Variants in RIPK4 observed in about 807,000 individuals in gnomAD.
RIPK4 encodes receptor interacting serine/threonine kinase 4.
Under a neutral mutation model 42.9 loss-of-function variants are expected in RIPK4, and 17 were observed. The ratio of observed to expected loss-of-function variants is 0.40; its 90% CI spans 0.27 to 0.59. RIPK4 has a LOEUF of 0.59. Ranked by LOEUF, RIPK4 falls within the 20% of genes least tolerant of loss-of-function variation. The pLI is 0.47. For missense variants in RIPK4, 897 were observed against 1,104.4 expected (o/e 0.81, Z 2.66); for synonymous variants, 498 against 499.1 (o/e 1.00, Z 0.03).
At chr21:41,757,748 C>A (rs1299139194) in intron 1 of RIPK4, among the ~76,000 whole-genome samples, 1 of 151,382 alleles carries the variant, frequency 6.6e-6, no homozygotes, top group African/African-American at 2.4e-5. Context: ...TGCCTGTAAT[C>A]CCAGCACTTT....
At chr21:41,748,555 C>T (rs1020769318) in intron 4 of RIPK4, among the ~76,000 whole-genome samples, 8 of 152,256 alleles carry the variant, frequency 5.3e-5, no homozygotes, top group African/African-American at 1.7e-4. Flanking sequence ...CTCCATGGCA[C>T]TGAGCAGCTC....
At chr21:41,749,693 T>G (rs1196929681) in intron 3 of RIPK4, among the ~76,000 whole-genome samples, 2 of 152,176 alleles carry the variant, frequency 1.3e-5, no homozygotes, top group Non-Finnish European at 2.9e-5. Flanking sequence ...TGCTGAGATT[T>G]CAGCGTTCCT....
At chr21:41,763,028 T>G (rs1405579862) in intron 1 of RIPK4, among the ~76,000 whole-genome samples, 1 of 152,096 alleles carries the variant, frequency 6.6e-6, no homozygotes, top group Non-Finnish European at 1.5e-5. Flanking sequence ...TCAGAGGGGG[T>G]GGCATCCTAT....
intron 1 of RIPK4, among the ~76,000 whole-genome samples, chr21:41,764,392 C>T (rs537741042): frequency 6.6e-6 from 1 of 152,258 alleles, no homozygotes; most frequent in East Asian, 1.9e-4. Context: ...AACAAGTGGA[C>T]TAGACCATCA....
chr21:41,748,417 T>C (rs1292410794), intron 4 of RIPK4, among the ~76,000 whole-genome samples: 1 of 152,204 alleles, frequency 6.6e-6, no homozygotes, highest in Non-Finnish European at 1.5e-5. Flanking sequence ...TAAAAAGTCC[T>C]GGATTTTTAT....
At chr21:41,743,518 G>A (rs2061160927) in intron 7 of RIPK4, among the ~76,000 whole-genome samples, 1 of 152,180 alleles carries the variant, frequency 6.6e-6, no homozygotes, top group Admixed American at 6.5e-5. Context: ...AGAGGGTGCG[G>A]GACTGCCACG....
chr21:41,746,001 G>A (rs2061169563), intron 5 of RIPK4, 139 bp from the exon 6 acceptor site: 1 of 789,898 alleles, frequency 1.3e-6, no homozygotes, highest in Admixed American at 1.8e-5. Context: ...GGCAAGCCCA[G>A]GGGCCCTACA....
At position 41,751,353 on chromosome 21, in the gene RIPK4, C is replaced by T. The variant is rs2061187908; in HGVS notation, c.475-108G>A. On this transcript the variant is annotated intron_variant, in intron 2 of 7. Coordinates refer to ENST00000332512, the MANE Select transcript of RIPK4 (RefSeq NM_020639.3). This position sits in a 1 kb window ranked among gnomAD's most constrained non-coding sequence, Gnocchi z 4.5. The stretch of plus-strand genomic sequence containing the variant: ...ATCTCAGAGGGTGGGTGAGAGCTTT[C>T]CAGGAGCCCCTAAGAGCCGTGTCTG... 3 of 1,430,202 alleles carry T rather than the reference C, an allele frequency of 2.1e-6. No homozygotes were observed. The highest frequency in any genetic ancestry group is 2.7e-5 in the South Asian group (2 of 73,926). 88.6% of individuals were successfully genotyped at this position (1,430,202 alleles called of 1,614,324 possible).
At chr21:41,766,315 G>A (rs1300410198) in intron 1 of RIPK4, among the ~76,000 whole-genome samples, 1 of 152,230 alleles carries the variant, frequency 6.6e-6, no homozygotes, top group East Asian at 1.9e-4. Flanking sequence ...AATAATTACA[G>A]TCTTACACCA....
chr21:41,740,757 C>T lies in RIPK4; in HGVS notation c.*81G>A, dbSNP rs1267459262. ...TTAGGTAAGCCACAACAGGGCCCCA[C>T]GCAGGATCGTTCCATCCCCACGAGG... On this transcript the variant is annotated 3_prime_UTR_variant, in exon 8 of 8. Coordinates refer to ENST00000332512, the MANE Select transcript of RIPK4 (RefSeq NM_020639.3). 2.8e-5 allele frequency: 40 copies of T among 1,410,750 alleles called. No homozygotes were observed. The highest frequency in any genetic ancestry group is 3.4e-5 in the Non-Finnish European group (36 of 1,055,672). 87.4% of individuals were successfully genotyped at this position (1,410,750 alleles called of 1,614,324 possible). A position where few individuals can be genotyped will look rare whatever the true frequency, so the allele number is the denominator to read the frequency against.
At chr21:41,743,837 C>G (rs201128018) in intron 7 of RIPK4, 45 bp downstream of exon 7, 1 of 1,535,978 alleles carries the variant, frequency 6.5e-7, no homozygotes, top group Admixed American at 2.0e-5. Flanking sequence ...TCCACTGTCC[C>G]GCCAAGCCCA....
intron 1 of RIPK4, 79 bp from the exon 2 acceptor site, chr21:41,756,895 G>A (rs887616258): frequency 4.1e-5 from 60 of 1,477,406 alleles, no homozygotes; most frequent in East Asian, 3.5e-4. Context: ...GCCAGAAGAC[G>A]ACCAGCTCCA....
chr21:41,740,809 G>A lies in RIPK4; in HGVS notation c.*29C>T, dbSNP rs766239719. Reference sequence around the variant, plus strand: ...ACACAGGACAGGACAAGAGCCCCACGTGGACCCCCGGTCTCCGCAGGCAGC... The same window carrying A: ...ACACAGGACAGGACAAGAGCCCCACATGGACCCCCGGTCTCCGCAGGCAGC... On this transcript the variant is annotated 3_prime_UTR_variant, in exon 8 of 8. Coordinates refer to ENST00000332512, the MANE Select transcript of RIPK4 (RefSeq NM_020639.3). The A allele has an allele frequency of 5.0e-5, 78 of 1,565,350 alleles. No individual in the cohort carries two copies. The highest frequency in any genetic ancestry group is 6.0e-5 in the Non-Finnish European group (70 of 1,158,516).
intron 1 of RIPK4, among the ~76,000 whole-genome samples, chr21:41,761,797 G>A (rs1395147407): frequency 2.6e-5 from 4 of 152,174 alleles, no homozygotes; most frequent in Non-Finnish European, 2.9e-5. Context: ...CACAAATAGT[G>A]TTTTCTTTTA....
Position 41,745,761 on chromosome 21 carries a change from C to T in RIPK4, c.934G>A (p.Glu312Lys), listed in dbSNP as rs756936645. The T allele has an allele frequency of 5.6e-6, 9 of 1,613,420 alleles. No individual in the cohort carries two copies. Among genetic ancestry groups the T allele is most frequent in the Admixed American group, 3.3e-5 (2 of 59,990 alleles). Residue 312 changes from glutamate (E) to lysine (K), a missense_variant and splice_region_variant, in exon 6 of 8, where the codon GAG becomes AAG. By Grantham distance (56) the Glu-to-Lys change is moderately conservative (BLOSUM62 1). Transcript: ENST00000332512. The part of the protein sequence containing the change: ...DVKSPPEPRS[E>K]VVPARLKRAS... Reference sequence around the variant, plus strand: ...CCCCTGTGGGAAGGACTCGTTACCTCGCTCCTGGGCTCCGGGGGGCTTTTC... The same window carrying T: ...CCCCTGTGGGAAGGACTCGTTACCTTGCTCCTGGGCTCCGGGGGGCTTTTC...
In RIPK4 at chr21:41,756,822, AAAGTTCAAAGGCATGAAGAATAC is replaced by A; in HGVS notation, c.183-29_183-7del. 1 of 1,610,310 alleles carries A rather than the reference AAAGTTCAAAGGCATGAAGAATAC, an allele frequency of 6.2e-7. No homozygotes were observed. Among genetic ancestry groups the A allele is most frequent in the Non-Finnish European group, 8.5e-7 (1 of 1,177,254 alleles). ...CCAAAAGCTCCATGCGCTCCCTGAA[AAAGTTCAAAGGCATGAAGAATAC>A]GCAATGGTCACTCAGCCACAAACAT... On this transcript the variant is annotated splice_region_variant and splice_polypyrimidine_tract_variant and intron_variant, in intron 1 of 7. Transcript: ENST00000332512.
At chr21:41,747,611 G>A (rs1301771260) in intron 4 of RIPK4, among the ~76,000 whole-genome samples, 1 of 152,184 alleles carries the variant, frequency 6.6e-6, no homozygotes, top group African/African-American at 2.4e-5. Context: ...ACCCACGGCT[G>A]CCAGGATTCC....
At chr21:41,760,778 G>T (rs2061218229) in intron 1 of RIPK4, among the ~76,000 whole-genome samples, 2 of 152,154 alleles carry the variant, frequency 1.3e-5, no homozygotes, top group South Asian at 2.1e-4. Flanking sequence ...GGGTGGGCAG[G>T]TCGAGTGTGT....
In RIPK4 at chr21:41,741,063, A is replaced by G. The variant is rs1601673007; in HGVS notation, c.2130T>C (p.Ala710=). 1 of 1,610,444 alleles carries G rather than the reference A, an allele frequency of 6.2e-7. No homozygotes were observed. Among genetic ancestry groups the G allele is most frequent in the Non-Finnish European group, 8.5e-7 (1 of 1,179,220 alleles). Residue 710 remains alanine, a synonymous_variant, in exon 8 of 8, where the codon GCT becomes GCC. Coordinates refer to ENST00000332512, the MANE Select transcript of RIPK4 (RefSeq NM_020639.3). ...CCACCTCCGAGTGCCCGTGGGCGGC[A>G]GCCAGGTGCAGCGCCGTCTGGTTCA... The part of the protein sequence containing the change: ...GPLNQTALHL[A]AAHGHSEVVE...
Sources: gnomAD v4.1 joint callset for allele counts (sites outside exome capture counted in the v4.1 genomes callset) on GRCh38, gnomAD v4.1.1 for gene constraint, Gnocchi (gnomAD v3.1) non-coding constraint, MANE v1.5 for transcripts, NCBI Gene and HGNC (gene_info 2026-07-23, HGNC 2026-07-21) for gene names.